Variants in RYK observed in about 807,000 individuals in gnomAD.
RYK encodes the protein inactive tyrosine-protein kinase RYK.
RYK carries 21 observed loss-of-function variants against 70.2 expected under a neutral mutation model. The observed-to-expected ratio is 0.30, with a 90% confidence interval of 0.21 to 0.43. The LOEUF (loss-of-function observed/expected upper bound fraction) is 0.43. Among genes scored for constraint, RYK ranks in the 20% least tolerant of loss-of-function variants. RYK has a pLI of 1.00. For synonymous variants in RYK, 267 were observed against 278.0 expected (o/e 0.96, Z 0.39); for missense variants, 604 against 753.3 (o/e 0.80, Z 2.32).
At chr3:134,170,672 G>A (rs1369896840) in intron 13 of RYK, 1 of 152,518 alleles carries the variant, frequency 6.6e-6, no homozygotes, top group Non-Finnish European at 1.5e-5. Flanking sequence ...CTGATGAAAT[G>A]GCAAAAGTAG....
At chr3:134,228,740 A>G (rs2107689073) in intron 1 of RYK, among the ~76,000 whole-genome samples, 1 of 152,340 alleles carries the variant, frequency 6.6e-6, no homozygotes, top group East Asian at 1.9e-4. Context: ...AAGGTTAGTC[A>G]GTGGGTACAA....
In RYK at chr3:134,175,625, G is replaced by C; in HGVS notation, c.1559C>G (p.Ser520Cys). ...GGCACTTACCACATCACTAGCGCTA[G>C]AGAACTCGTTATTAACCAGACTTTC... ...ALESLVNNEF[S>C]SASDVWAFGV... The change falls in exon 13 of 15, where the codon TCT becomes TGT. Residue 520 changes from serine to cysteine, a missense_variant. Transcript: ENST00000623711. 1 of 1,613,816 alleles carries C rather than the reference G, an allele frequency of 6.2e-7. No homozygotes were observed. Among genetic ancestry groups the C allele is most frequent in the South Asian group, 1.1e-5 (1 of 91,082 alleles).
At chr3:134,201,231 C>T (rs4682666) in intron 6 of RYK, among the ~76,000 whole-genome samples, 21,965 of 152,222 alleles carry the variant, frequency 0.14, 1,950 homozygotes, top group East Asian at 0.47. Flanking sequence ...AAATCATATA[C>T]GTACTTCCTT....
At chr3:134,203,367 T>C (rs1288224474) in intron 5 of RYK, among the ~76,000 whole-genome samples, 1 of 152,102 alleles carries the variant, frequency 6.6e-6, no homozygotes, top group African/African-American at 2.4e-5. Flanking sequence ...AAGAGTTGGT[T>C]CTAAATCTAA....
intron 9 of RYK, among the ~76,000 whole-genome samples, chr3:134,188,167 A>ATATT (rs1363782363): frequency 8.6e-4 from 112 of 130,210 alleles, no homozygotes; most frequent in African/African-American, 3.1e-3. Flanking sequence ...ATATATATAT[A>ATATT]TTTTTTTTTT....
Position 134,178,011 on chromosome 3 carries a change from G to A in RYK, c.1235C>T (p.Pro412Leu). 1 of 1,609,524 alleles carries A rather than the reference G, an allele frequency of 6.2e-7. No individual in the cohort carries two copies. The highest frequency in any genetic ancestry group is 1.1e-5 in the South Asian group (1 of 90,780). ...TTTAAGATTCCCCCAATTCATGTAA[G>A]GCAATATCACCATGGGCTTTTCTCC... ...EEGEKPMVILPYMNWGNLKLF... is the reference protein window; with the variant it reads ...EEGEKPMVILLYMNWGNLKLF... Residue 412 changes from proline to leucine, a missense_variant, in exon 11 of 15, where the codon CCT becomes CTT. By Grantham distance (98) the Pro-to-Leu change is moderately conservative. Around this residue, in one of 2 missense-constraint regions of RYK, gnomAD observed 466 missense variants for 535.9 expected, o/e 0.87. Coordinates refer to ENST00000623711, the MANE Select transcript of RYK (RefSeq NM_002958.4).
At position 134,163,274 on chromosome 3, in the gene RYK, G is replaced by A. The variant is rs181186961; in HGVS notation, c.1576-3901C>T. On this transcript the variant is annotated intron_variant, in intron 13 of 14. Transcript: ENST00000623711. The stretch of plus-strand genomic sequence containing the variant: ...AAAAAAATAATCAAGACAAAATGGC[G>A]CAGAGATGATTTGTGGAAAACTTGC... Among the ~76,000 whole-genome samples, 342 of 152,230 alleles carry A rather than the reference G, an allele frequency of 2.2e-3. 2 individuals carry two copies. The highest frequency in any genetic ancestry group is 6.8e-3 in the African/African-American group (281 of 41,542).
chr3:134,195,860 C>T (rs1004794303), intron 6 of RYK, among the ~76,000 whole-genome samples: 2 of 151,920 alleles, frequency 1.3e-5, no homozygotes, highest in African/African-American at 2.4e-5. Flanking sequence ...GCAGGAGAAT[C>T]GCTTGAATCT....
intron 8 of RYK, among the ~76,000 whole-genome samples, chr3:134,191,478 C>T (rs2013638354): frequency 6.6e-6 from 1 of 152,170 alleles, no homozygotes; most frequent in African/African-American, 2.4e-5. Flanking sequence ...AGCCCAAGCC[C>T]ATGTCCATTC....
At chr3:134,161,950 G>A (rs78374751) in intron 13 of RYK, among the ~76,000 whole-genome samples, 5,925 of 152,236 alleles carry the variant, frequency 0.039, 168 homozygotes, top group East Asian at 0.12. Flanking sequence ...ATGTGTCAGC[G>A]TGGCTGTGCT....
chr3:134,209,186 G>A (rs2014314623), intron 4 of RYK, among the ~76,000 whole-genome samples: 2 of 152,106 alleles, frequency 1.3e-5, no homozygotes, highest in Non-Finnish European at 2.9e-5. Flanking sequence ...TAGATTTAAT[G>A]AACCGTAAAA....
intron 4 of RYK, among the ~76,000 whole-genome samples, chr3:134,208,807 A>C (rs2014297921): frequency 6.6e-6 from 1 of 152,238 alleles, no homozygotes. Flanking sequence ...CTGAAAATGA[A>C]GACAATGAGA....
chr3:134,170,580 A>G, intron 13 of RYK: 1 of 158,572 alleles, frequency 6.3e-6, no homozygotes, highest in Non-Finnish European at 1.4e-5. Context: ...GAAAAACCCA[A>G]AGATCCCTGT....
At chr3:134,185,534 G>C (rs935765504) in intron 9 of RYK, among the ~76,000 whole-genome samples, 3 of 152,158 alleles carry the variant, frequency 2.0e-5, no homozygotes, top group Non-Finnish European at 4.4e-5. Context: ...GTACTTCTTT[G>C]GAAAAGGTGC....
chr3:134,249,829 C>CT (rs753305397), intron 1 of RYK, among the ~76,000 whole-genome samples: 7 of 151,036 alleles, frequency 4.6e-5, no homozygotes, highest in Non-Finnish European at 5.9e-5. Flanking sequence ...TGCTTAGAAT[C>CT]TAAGCATATG....
chr3:134,199,822 C>T (rs556771732), intron 6 of RYK, among the ~76,000 whole-genome samples: 66 of 152,094 alleles, frequency 4.3e-4, no homozygotes, highest in African/African-American at 1.6e-3. Flanking sequence ...ACTTGGACAA[C>T]TTTTCTGTCT....
chr3:134,223,606 T>TTA (rs1195945130), intron 1 of RYK, among the ~76,000 whole-genome samples: 1 of 132,454 alleles, frequency 7.5e-6, no homozygotes, highest in Non-Finnish European at 1.6e-5. Flanking sequence ...TTGAGAAATG[T>TTA]AAAAAAAAAA....
In RYK at chr3:134,163,029, G is replaced by T. The variant is rs185010820; in HGVS notation, c.1576-3656C>A. 1.1e-3 allele frequency among the ~76,000 whole-genome samples: 174 copies of T among 152,338 alleles called. No individual in the cohort carries two copies. In the South Asian group the frequency reaches 0.015, roughly 13 times the overall value. On this transcript the variant is annotated intron_variant, in intron 13 of 14. Transcript: ENST00000623711. ...TGGTATTTGAGATCTGGAGTTGAAT[G>T]TAAGTATTACAGCAGCAATGTAGAT...
intron 13 of RYK, among the ~76,000 whole-genome samples, chr3:134,172,434 T>C (rs913255148): frequency 3.9e-5 from 6 of 152,224 alleles, no homozygotes; most frequent in African/African-American, 1.4e-4. Context: ...TTGCTTAATG[T>C]AGAGCTGGTA....
Sources: gnomAD v4.1 joint callset for allele counts (sites outside exome capture counted in the v4.1 genomes callset) on GRCh38, gnomAD v4.1.1 for gene constraint, gnomAD v4.1.1 regional missense constraint, MANE v1.5 for transcripts, NCBI Gene and HGNC (gene_info 2026-07-23, HGNC 2026-07-21) for gene names.